The following COL12A1 variants were observed in gnomAD, a reference collection of about 807,000 sequenced individuals.
The protein encoded by COL12A1 is collagen alpha-1(XII) chain.
Under a neutral mutation model 349.7 loss-of-function variants are expected in COL12A1, and 114 were observed. That is an observed-to-expected ratio of 0.33 (90% CI 0.28 to 0.38). COL12A1 has a LOEUF of 0.38. Among genes scored for constraint, COL12A1 ranks in the 10% least tolerant of loss-of-function variants. COL12A1 has a pLI of 1.00. For synonymous variants in COL12A1, 1,369 were observed against 1,329.0 expected (o/e 1.03, Z -0.66); for missense variants, 3,284 against 3,756.9 (o/e 0.87, Z 3.29).
At chr6:75,187,157 A>AATATAT (rs35075147) in intron 8 of COL12A1, among the ~76,000 whole-genome samples, 5 of 143,404 alleles carry the variant, frequency 3.5e-5, no homozygotes, top group African/African-American at 1.3e-4. Flanking sequence ...AAAATAAATA[A>AATATAT]ATATATATAT....
Position 75,090,189 on chromosome 6 carries a change from T to C in COL12A1, c.8862A>G (p.Gly2954=). ...PGPPGPPGSA[G]ARGEPGPGGR... is the part of the protein sequence containing the mutation. The stretch of plus-strand genomic sequence containing the variant: ...CCCCAGGCCCAGGTTCTCCTCTGGC[T>C]CCTGCGCTACCAGGAGGTCCCGGTG... The change falls in exon 63 of 66, where the codon GGA becomes GGG. Residue 2954 remains glycine (G), a synonymous_variant. Transcript: ENST00000322507. This position sits in a 1 kb window ranked among gnomAD's most constrained non-coding sequence, Gnocchi z 4.1. The C allele has an allele frequency of 6.2e-7, 1 of 1,614,026 alleles. No homozygotes were observed. Among genetic ancestry groups the C allele is most frequent in the Non-Finnish European group, 8.5e-7 (1 of 1,180,000 alleles).
intron 17 of COL12A1, 69 bp downstream of exon 17, chr6:75,154,347 C>CTGTTT: frequency 1.9e-6 from 3 of 1,540,894 alleles, no homozygotes; most frequent in Non-Finnish European, 2.7e-6. Context: ...TTGTATGATA[C>CTGTTT]CCTAACAGTT....
At chr6:75,200,710 G>C (rs963148304) in intron 2 of COL12A1, among the ~76,000 whole-genome samples, 5 of 152,010 alleles carry the variant, frequency 3.3e-5, no homozygotes, top group African/African-American at 1.2e-4. Context: ...AAATAATTTA[G>C]GTTAAATAAA....
At chr6:75,135,379 C>T (rs141111597) in intron 31 of COL12A1, among the ~76,000 whole-genome samples, 1 of 152,148 alleles carries the variant, frequency 6.6e-6, no homozygotes, top group African/African-American at 2.4e-5. Flanking sequence ...GCTGTGTTAA[C>T]GACATGACCA....
rs1554168281 is a variant in COL12A1 at position 75,101,722 on chromosome 6, T to C, written c.8470-69A>G. 3 of 1,551,248 alleles carry C rather than the reference T, an allele frequency of 1.9e-6. No homozygotes were observed. In the South Asian group the frequency reaches 3.6e-5, roughly 19 times the overall value. On this transcript the variant is annotated intron_variant, in intron 57 of 65. Transcript: ENST00000322507. ...CCTGTGTGGGAGAGAATCTTTGTTA[T>C]TTTCCAAATTTTTTTTTTAATTCCA...
intron 10 of COL12A1, 75 bp downstream of exon 10, chr6:75,182,975 C>T: frequency 6.7e-7 from 1 of 1,487,786 alleles, no homozygotes; most frequent in Non-Finnish European, 9.0e-7. Context: ...ATTGAACAAG[C>T]ATATTATCCA....
intron 2 of COL12A1, among the ~76,000 whole-genome samples, chr6:75,200,917 G>A (rs1331394756): frequency 6.7e-6 from 1 of 149,802 alleles, no homozygotes; most frequent in African/African-American, 2.5e-5. Context: ...AAGGAGATGG[G>A]ATACAAGAAA....
intron 54 of COL12A1, 61 bp from the exon 55 acceptor site, chr6:75,103,871 A>G (rs755582240): frequency 2.0e-5 from 27 of 1,371,816 alleles, no homozygotes; most frequent in Admixed American, 2.2e-5. Flanking sequence ...GTTGATATAC[A>G]AAAAGTCCTT....
Position 75,183,265 on chromosome 6 carries a change from T to G in COL12A1, c.1676A>C (p.Asp559Ala), listed in dbSNP as rs577451474. The G allele has an allele frequency of 6.2e-7, 1 of 1,614,198 alleles. No homozygotes were observed. Residue 559 changes from aspartate (D) to alanine (A), a missense_variant, in exon 10 of 66, where the codon GAT (aspartate) becomes GCT (alanine). Physicochemically the swap from Asp to Ala is moderately radical, Grantham distance 126 (BLOSUM62 -2). Transcript: ENST00000322507. Reference sequence around the variant, plus strand: ...TGAATTCCTCAGTTTTATCGCAGGATCTCTGAAAGCATCTGATGATTTCCC... The same window carrying G: ...TGAATTCCTCAGTTTTATCGCAGGAGCTCTGAAAGCATCTGATGATTTCCC... ...TDGKSSDAFR[D>A]PAIKLRNSDV...
chr6:75,145,274 A>G, intron 25 of COL12A1, 52 bp downstream of exon 25: 1 of 1,437,576 alleles, frequency 7.0e-7, no homozygotes, highest in Non-Finnish European at 9.3e-7. Context: ...AATTCTAATG[A>G]ACATTATGCT....
intron 21 of COL12A1, among the ~76,000 whole-genome samples, chr6:75,149,170 C>T (rs1303029627): frequency 6.6e-6 from 1 of 152,074 alleles, no homozygotes; most frequent in Non-Finnish European, 1.5e-5. Flanking sequence ...CTCTGAATCA[C>T]CTTTTGATAC....
chr6:75,136,057 G>C (rs529835762), intron 31 of COL12A1, among the ~76,000 whole-genome samples: 4 of 152,240 alleles, frequency 2.6e-5, no homozygotes, highest in African/African-American at 9.6e-5. Context: ...CAGAAGATAA[G>C]TTTACGAGAC....
At position 75,165,361 on chromosome 6, in the gene COL12A1, G is replaced by C. The variant is rs1472716802; in HGVS notation, c.2983+146C>G. The C allele has an allele frequency of 1.8e-5, 20 of 1,130,666 alleles. 1 individual carries two copies. The Admixed American group carries it at 4.9e-4, about 28-fold the overall frequency. The allele number at this position is 1,130,666 out of a possible 1,614,324, so 70.0% of individuals were successfully genotyped here. A position where few individuals can be genotyped will look rare whatever the true frequency, so the allele number is the denominator to read the frequency against. ...AGACACTAACCTACTCTGAATTTAA[G>C]CCAAATTCTTTAAAGATCCTAATTC... On this transcript the variant is annotated intron_variant, in intron 14 of 65. Transcript: ENST00000322507.
intron 51 of COL12A1, among the ~76,000 whole-genome samples, chr6:75,110,226 C>T (rs1232434353): frequency 6.6e-6 from 1 of 151,892 alleles, no homozygotes; most frequent in East Asian, 1.9e-4. Context: ...AGAACCAAAA[C>T]TTTTTGGCTC....
At chr6:75,086,903 T>A (rs1195480220) in intron 65 of COL12A1, among the ~76,000 whole-genome samples, 16 of 152,108 alleles carry the variant, frequency 1.1e-4, no homozygotes, top group Admixed American at 1.0e-3. Context: ...AGCAGTATAA[T>A]TTTTTAAATT....
At chr6:75,166,985 T>C (rs1768344305) in intron 13 of COL12A1, among the ~76,000 whole-genome samples, 1 of 152,076 alleles carries the variant, frequency 6.6e-6, no homozygotes, top group African/African-American at 2.4e-5. Flanking sequence ...ATAAATAACT[T>C]TAACTGCTGA....
rs1231946042 is a variant in COL12A1, at chr6:75,151,972, G to T, written c.3895C>A (p.Arg1299=). 1 of 1,613,780 alleles carries T rather than the reference G, an allele frequency of 6.2e-7. No homozygotes were observed. Among genetic ancestry groups the T allele is most frequent in the Non-Finnish European group, 8.5e-7 (1 of 1,179,804 alleles). The change falls in exon 20 of 66, where the codon CGA becomes AGA. Residue 1299 remains arginine (R), a synonymous_variant. Transcript: ENST00000322507. ...NFRTQAGMRP[R]ARKIGVLITD... ...ATGAGCACACCAATTTTTCGAGCTC[G>T]AGGTCTCATGCCAGCTTGGGTCCTG...
At position 75,086,283 on chromosome 6, in the gene COL12A1, G is replaced by T. The variant is rs1407059630; in HGVS notation, c.*264C>A. 1.7e-5 allele frequency: 4 copies of T among 229,200 alleles called. No individual in the cohort carries two copies. The highest frequency in any genetic ancestry group is 3.5e-5 in the Non-Finnish European group (4 of 114,838). 14.2% of individuals were successfully genotyped at this position (229,200 alleles called of 1,614,324 possible). ...AAACTGAGGCTCCTCATGGCTGTGT[G>T]TTGGAACTTTTTTAAAATAATGTTT... On this transcript the variant is annotated 3_prime_UTR_variant, in exon 66 of 66. Transcript: ENST00000322507.
At position 75,155,781 on chromosome 6, in the gene COL12A1, C is replaced by A. The variant is rs1767722976; in HGVS notation, c.3324G>T (p.Glu1108Asp). 1.2e-6 allele frequency: 2 copies of A among 1,613,452 alleles called. No individual in the cohort carries two copies. The highest frequency in any genetic ancestry group is 1.3e-5 in the African/African-American group (1 of 74,860). Residue 1108 changes from glutamate to aspartate, a missense_variant, in exon 16 of 66, where the codon GAG becomes GAT. Physicochemically the swap from Glu to Asp is conservative, Grantham distance 45 (BLOSUM62 2). This residue lies in a region of COL12A1 where 2,601 missense variants were observed against 2,824.8 expected (regional missense o/e 0.92). Coordinates refer to ENST00000322507, the MANE Select transcript of COL12A1 (RefSeq NM_004370.6). ...PTMSSFRVTW[E>D]PAPGEVKGYK... ...AACCCTTCACTTCCCCAGGGGCAGG[C>A]TCCCAAGTCACTCGGAAGCTTGACA...
Sources: allele counts gnomAD v4.1 joint callset (sites outside exome capture counted in the v4.1 genomes callset), GRCh38; gene constraint gnomAD v4.1.1; regional missense constraint gnomAD v4.1.1; non-coding constraint Gnocchi (gnomAD v3.1); transcripts MANE v1.5; gene names NCBI Gene and HGNC (gene_info 2026-07-23, HGNC 2026-07-21).